Variants in C12orf56 observed in about 807,000 individuals in gnomAD.
C12orf56 encodes chromosome 12 open reading frame 56.
In C12orf56, 71 loss-of-function variants were observed where a neutral mutation model predicts 69.9. That is an observed-to-expected ratio of 1.02 (90% CI 0.84 to 1.24). The LOEUF (loss-of-function observed/expected upper bound fraction) is 1.24. Ranked by LOEUF, C12orf56 falls within the 50% of genes most tolerant of loss-of-function variation. The pLI is 0.00. For synonymous variants in C12orf56, 276 were observed against 274.1 expected, an observed-to-expected ratio of 1.01 and a Z score of -0.07; for missense variants, 732 against 738.5, an observed-to-expected ratio of 0.99 and a Z score of 0.10.
At chr12:64,338,825 G>C in intron 2 of C12orf56, 2 of 1,009,644 alleles carry the variant, frequency 2.0e-6, no homozygotes, top group Non-Finnish European at 1.6e-6. Flanking sequence ...GTGAGCAGCA[G>C]GCTCGAGTTT....
intron 1 of C12orf56, among the ~76,000 whole-genome samples, chr12:64,385,607 A>G (rs2135989985): frequency 6.6e-6 from 1 of 152,234 alleles, no homozygotes; most frequent in East Asian, 1.9e-4. Context: ...TAACTGGCTC[A>G]TCTGATCTTG....
chr12:64,268,039 T>G (rs1247535323), intron 12 of C12orf56, among the ~76,000 whole-genome samples: 1 of 152,202 alleles, frequency 6.6e-6, no homozygotes, highest in Non-Finnish European at 1.5e-5. Context: ...AGCATTTACT[T>G]TGAGCATCAT....
intron 2 of C12orf56, among the ~76,000 whole-genome samples, chr12:64,333,587 C>T (rs1209557488): frequency 2.0e-5 from 3 of 152,128 alleles, no homozygotes; most frequent in East Asian, 1.9e-4. Context: ...CTGCAGCCTC[C>T]GCCTCCCAGG....
chr12:64,266,813 C>A lies in C12orf56; in HGVS notation c.*370G>T. On this transcript the variant is annotated 3_prime_UTR_variant, in exon 13 of 13. Coordinates refer to ENST00000543942, the MANE Select transcript of C12orf56 (RefSeq NM_001170633.2). ...CAGGAGAATTTTGAGAACCTTCTTG[C>A]TTTTGCTGCTAAGGTGGAAGAGAAG... is the stretch of plus-strand genomic sequence containing the variant. 7.0e-6 allele frequency: 2 copies of A among 285,070 alleles called. No homozygotes were observed. The allele number at this position is 285,070 out of a possible 1,614,324, so 17.7% of individuals were successfully genotyped here. A position where few individuals can be genotyped will look rare whatever the true frequency, so the allele number is the denominator to read the frequency against.
intron 6 of C12orf56, among the ~76,000 whole-genome samples, chr12:64,287,412 T>C (rs1174646546): frequency 1.4e-5 from 2 of 143,952 alleles, no homozygotes; most frequent in African/African-American, 5.1e-5. Flanking sequence ...GTTAGTTACA[T>C]ATGTATACAT....
chr12:64,364,660 A>C (rs1020998463), intron 1 of C12orf56, among the ~76,000 whole-genome samples: 3 of 152,168 alleles, frequency 2.0e-5, no homozygotes, highest in African/African-American at 7.2e-5. Flanking sequence ...AGTTTCTCTT[A>C]GATTTCATCC....
At chr12:64,356,376 G>C (rs1417163411) in intron 1 of C12orf56, among the ~76,000 whole-genome samples, 1 of 152,080 alleles carries the variant, frequency 6.6e-6, no homozygotes, top group African/African-American at 2.4e-5. Flanking sequence ...TCTCAGCAAG[G>C]CAATTTTTAC....
In C12orf56 at chr12:64,267,059, C is replaced by T. The variant is rs2037926323; in HGVS notation, c.*124G>A. The T allele has an allele frequency of 3.1e-6, 2 of 654,798 alleles. No homozygotes were observed. Among genetic ancestry groups the T allele is most frequent in the African/African-American group, 3.7e-5 (2 of 53,662 alleles). 40.6% of individuals were successfully genotyped at this position (654,798 alleles called of 1,614,324 possible). Reference sequence around the variant, plus strand: ...TATTGATGGAACATTCAATTAAAATCTTTGTTTATAGGACTCAGAGATAGC... The same window carrying T: ...TATTGATGGAACATTCAATTAAAATTTTTGTTTATAGGACTCAGAGATAGC... On this transcript the variant is annotated 3_prime_UTR_variant, in exon 13 of 13. Transcript: ENST00000543942.
intron 3 of C12orf56, among the ~76,000 whole-genome samples, chr12:64,330,011 A>G (rs1036300393): frequency 1.3e-5 from 2 of 152,056 alleles, no homozygotes; most frequent in Non-Finnish European, 2.9e-5. Context: ...CTTTATAGCA[A>G]CATGATTTGT....
chr12:64,275,001 G>A (rs1183318551), intron 10 of C12orf56, 26 bp from the exon 11 acceptor site: 5 of 1,556,482 alleles, frequency 3.2e-6, no homozygotes, highest in Admixed American at 1.7e-5. Context: ...AAATAAACAA[G>A]TTATATTCAT....
chr12:64,303,326 G>A (rs2038471020), intron 6 of C12orf56, among the ~76,000 whole-genome samples: 1 of 148,812 alleles, frequency 6.7e-6, no homozygotes, highest in African/African-American at 2.5e-5. Flanking sequence ...CCATCTCACT[G>A]TCTATATATC....
intron 6 of C12orf56, among the ~76,000 whole-genome samples, chr12:64,302,863 C>G (rs1266982001): frequency 6.6e-6 from 1 of 152,182 alleles, no homozygotes; most frequent in Non-Finnish European, 1.5e-5. Context: ...CAGCCATGTA[C>G]AGTGGCTCAT....
intron 1 of C12orf56, among the ~76,000 whole-genome samples, chr12:64,361,060 A>G (rs1017149558): frequency 2.0e-5 from 3 of 152,052 alleles, no homozygotes; most frequent in Non-Finnish European, 4.4e-5. Context: ...CTCTACTAAA[A>G]ATACAAAAAT....
In C12orf56 at chr12:64,368,372, T is replaced by C. The variant is rs560217193; in HGVS notation, c.253-15316A>G. On this transcript the variant is annotated intron_variant, in intron 1 of 12. Transcript: ENST00000543942. ...TTACTGCATTGACCCATTCTGCTTG[T>C]GTGGTGGCAAATTTCTTCATTTCTC... Among the ~76,000 whole-genome samples, 431 of 152,196 alleles carry C rather than the reference T, an allele frequency of 2.8e-3. 1 individual carries two copies. The highest frequency in any genetic ancestry group is 4.0e-3 in the Non-Finnish European group (269 of 68,006).
intron 3 of C12orf56, among the ~76,000 whole-genome samples, chr12:64,323,565 C>CTTTTTTTTTTTTTTTT (rs375927934): frequency 3.1e-5 from 4 of 130,848 alleles, no homozygotes; most frequent in Non-Finnish European, 3.2e-5. Flanking sequence ...CAAACATTTC[C>CTTTTTTTTTTTTTTTT]TTTTTTTTTT....
chr12:64,358,242 G>A (rs183577328), intron 1 of C12orf56, among the ~76,000 whole-genome samples: 32 of 152,094 alleles, frequency 2.1e-4, no homozygotes, highest in Non-Finnish European at 2.4e-4. Flanking sequence ...GGCGGATCAC[G>A]AGGTCAGGAG....
At chr12:64,337,127 A>T (rs960847335) in intron 2 of C12orf56, among the ~76,000 whole-genome samples, 3 of 152,190 alleles carry the variant, frequency 2.0e-5, no homozygotes, top group African/African-American at 7.2e-5. Flanking sequence ...CAGATACCTT[A>T]AAAAGGCTCA....
At chr12:64,314,043 C>CAAAAA (rs762340003) in intron 4 of C12orf56, among the ~76,000 whole-genome samples, 5 of 67,090 alleles carry the variant, frequency 7.5e-5, no homozygotes, top group African/African-American at 2.8e-4. Flanking sequence ...AACTCTGTCT[C>CAAAAA]AAAAAAAAAA....
At chr12:64,275,490 C>A (rs10878132) in intron 9 of C12orf56, 118 bp from the exon 10 acceptor site, 6 of 477,062 alleles carry the variant, frequency 1.3e-5, no homozygotes, top group Non-Finnish European at 2.2e-5. Context: ...GAGACAAGGT[C>A]TCATGCTGCC....
Sources: allele counts gnomAD v4.1 joint callset (sites outside exome capture counted in the v4.1 genomes callset), GRCh38; gene constraint gnomAD v4.1.1; transcripts MANE v1.5; gene names NCBI Gene and HGNC (gene_info 2026-07-23, HGNC 2026-07-21).